Variants in PDZRN4 observed in about 807,000 individuals in gnomAD.
PDZRN4 encodes the protein PDZ domain containing ring finger 4, also known as PDZ domain-containing RING finger protein 4.
In PDZRN4, 70 loss-of-function variants were observed where a neutral mutation model predicts 99.0. The ratio of observed to expected loss-of-function variants is 0.71; its 90% CI spans 0.58 to 0.86. The LOEUF (loss-of-function observed/expected upper bound fraction) is 0.86, where lower values mean the gene tolerates loss of function less well. Among genes scored for constraint, PDZRN4 ranks in the 40% least tolerant of loss-of-function variants. The pLI is 0.00. For synonymous variants in PDZRN4, 551 were observed against 501.6 expected, an observed-to-expected ratio of 1.10 and a Z score of -1.32; for missense variants, 1,474 against 1,331.2, an observed-to-expected ratio of 1.11 and a Z score of -1.67.
chr12:41,352,629 A>C (rs1290563777), intron 3 of PDZRN4, among the ~76,000 whole-genome samples: 1 of 152,156 alleles, frequency 6.6e-6, no homozygotes, highest in African/African-American at 2.4e-5. Context: ...AAATCAGCTC[A>C]CTTATTAACC....
chr12:41,492,082 G>A (rs1937897944), intron 3 of PDZRN4, among the ~76,000 whole-genome samples: 1 of 152,128 alleles, frequency 6.6e-6, no homozygotes, highest in African/African-American at 2.4e-5. Flanking sequence ...CAAAATGCAT[G>A]TTCTTCAATA....
chr12:41,225,463 C>G (rs938726392), intron 3 of PDZRN4, among the ~76,000 whole-genome samples: 2 of 151,778 alleles, frequency 1.3e-5, no homozygotes, highest in South Asian at 2.1e-4. Context: ...CATCTGTCAC[C>G]TGTATTACTT....
chr12:41,422,923 A>C (rs949781921), intron 3 of PDZRN4, among the ~76,000 whole-genome samples: 4 of 152,106 alleles, frequency 2.6e-5, no homozygotes, highest in Admixed American at 1.3e-4. Flanking sequence ...ACACTTGCAA[A>C]ATGATTAGCC....
At chr12:41,464,820 C>CTTTTT (rs5797739) in intron 3 of PDZRN4, among the ~76,000 whole-genome samples, 4 of 104,810 alleles carry the variant, frequency 3.8e-5, no homozygotes, top group African/African-American at 7.4e-5. Context: ...GCCTGTTGTA[C>CTTTTT]TTTTTTTTTT....
At chr12:41,226,611 C>G (rs914045764) in intron 3 of PDZRN4, among the ~76,000 whole-genome samples, 7 of 151,760 alleles carry the variant, frequency 4.6e-5, no homozygotes, top group African/African-American at 1.7e-4. Context: ...TAGAGTCAAG[C>G]ACAGATCCTC....
At chr12:41,190,632 G>C (rs1259979366) in intron 1 of PDZRN4, among the ~76,000 whole-genome samples, 1 of 152,162 alleles carries the variant, frequency 6.6e-6, no homozygotes, top group Non-Finnish European at 1.5e-5. Context: ...CCTGGGAAAA[G>C]CTCCTGGGAA....
At chr12:41,230,594 G>T (rs1278173451) in intron 3 of PDZRN4, among the ~76,000 whole-genome samples, 7 of 152,060 alleles carry the variant, frequency 4.6e-5, no homozygotes, top group Admixed American at 1.3e-4. Flanking sequence ...TTAGAAATAA[G>T]GATGGCCTGT....
In PDZRN4 at chr12:41,541,075, C is replaced by T. The variant is rs539980085; in HGVS notation, c.1204-11581C>T. ...GAGTAGCTGGGACTACAGGCACCCA[C>T]CACCATGCCCAGCTAATTTTTTCTT... On this transcript the variant is annotated intron_variant, in intron 5 of 9. Transcript: ENST00000402685. Among the ~76,000 whole-genome samples the T allele has an allele frequency of 2.6e-5, 4 of 152,142 alleles. No homozygotes were observed. In the East Asian group the frequency reaches 5.8e-4, roughly 22 times the overall value.
intron 3 of PDZRN4, among the ~76,000 whole-genome samples, chr12:41,209,936 T>G (rs1297782917): frequency 2.0e-5 from 3 of 149,858 alleles, no homozygotes; most frequent in East Asian, 2.0e-4. Context: ...ACTTCCACAA[T>G]GGTTGAACTA....
intron 3 of PDZRN4, among the ~76,000 whole-genome samples, chr12:41,212,131 C>T: frequency 6.6e-6 from 1 of 151,880 alleles, no homozygotes; most frequent in Middle Eastern, 3.2e-3. Flanking sequence ...AGTACATGTT[C>T]CAAAATCTCT....
chr12:41,249,720 T>C (rs75231643), intron 3 of PDZRN4, among the ~76,000 whole-genome samples: 1,594 of 152,330 alleles, frequency 0.01, 29 homozygotes, highest in African/African-American at 0.036. Context: ...TGAAGTATTA[T>C]GCAGCCTTCC....
Position 41,491,245 on chromosome 12 carries a change from G to A in PDZRN4, c.844-15211G>A, listed in dbSNP as rs558925445. ...AATAAGGTAACCATGAATCCTGGCC[G>A]GGAGTGGTGGCTCACACCTCTAATC... On this transcript the variant is annotated intron_variant, in intron 3 of 9. Transcript: ENST00000402685. Among the ~76,000 whole-genome samples the A allele has an allele frequency of 1.2e-4, 18 of 152,190 alleles. No homozygotes were observed. The South Asian group carries it at 1.5e-3, about 12-fold the overall frequency.
At chr12:41,273,001 T>C (rs2120865174) in intron 3 of PDZRN4, among the ~76,000 whole-genome samples, 1 of 152,146 alleles carries the variant, frequency 6.6e-6, no homozygotes, top group Non-Finnish European at 1.5e-5. Flanking sequence ...AGAACTATAG[T>C]CTTGGCAGTT....
At chr12:41,470,953 G>A (rs73130641) in intron 3 of PDZRN4, among the ~76,000 whole-genome samples, 3,821 of 152,252 alleles carry the variant, frequency 0.025, 68 homozygotes, top group Non-Finnish European at 0.039. Context: ...AGAAGTTCTG[G>A]AAAATAAGGG....
intron 3 of PDZRN4, among the ~76,000 whole-genome samples, chr12:41,471,936 G>A (rs923426563): frequency 2.0e-5 from 3 of 151,222 alleles, no homozygotes; most frequent in Non-Finnish European, 4.4e-5. Flanking sequence ...GGTGGCAAAT[G>A]ATATCAATCA....
intron 3 of PDZRN4, among the ~76,000 whole-genome samples, chr12:41,426,943 A>C (rs572023083): frequency 6.6e-6 from 1 of 152,188 alleles, no homozygotes; most frequent in Non-Finnish European, 1.5e-5. Context: ...GAGCTTGTGC[A>C]CTTGCAACTT....
At chr12:41,282,550 CA>C (rs1213731609) in intron 3 of PDZRN4, among the ~76,000 whole-genome samples, 9 of 152,136 alleles carry the variant, frequency 5.9e-5, no homozygotes, top group African/African-American at 1.9e-4. Context: ...ACTCTTCACC[CA>C]AAATCAACAG....
intron 3 of PDZRN4, among the ~76,000 whole-genome samples, chr12:41,480,679 T>C (rs991814040): frequency 1.3e-5 from 2 of 152,184 alleles, no homozygotes; most frequent in African/African-American, 4.8e-5. Flanking sequence ...GATTTTCATA[T>C]AAATATTTTA....
At chr12:41,325,922 T>C (rs575641026) in intron 3 of PDZRN4, among the ~76,000 whole-genome samples, 2 of 152,304 alleles carry the variant, frequency 1.3e-5, no homozygotes, top group Admixed American at 1.3e-4. Context: ...GGGGATGTTT[T>C]CGACTCTTTA....
Sources: gnomAD v4.1 joint callset for allele counts (sites outside exome capture counted in the v4.1 genomes callset) on GRCh38, gnomAD v4.1.1 for gene constraint, MANE v1.5 for transcripts, NCBI Gene and HGNC (gene_info 2026-07-23, HGNC 2026-07-21) for gene names.